CSMD1: variants seen among roughly 807,000 people sequenced by gnomAD.
CSMD1 encodes CUB and Sushi multiple domains 1, also known as CUB and sushi domain-containing protein 1.
A neutral mutation model predicts 417.5 loss-of-function variants in CSMD1; 213 were observed. The observed-to-expected ratio is 0.51, with a 90% CI of 0.46 to 0.57. The LOEUF (loss-of-function observed/expected upper bound fraction) is 0.57. Ranked by LOEUF, CSMD1 falls within the 20% of genes least tolerant of loss-of-function variation. CSMD1 has a pLI of 0.00. For missense variants in CSMD1, 6,923 were observed against 4,529.7 expected (o/e 1.53, Z -15.17); for synonymous variants, 2,862 against 1,736.8 (o/e 1.65, Z -16.11).
intron 5 of CSMD1, among the ~76,000 whole-genome samples, chr8:3,827,256 GCA>G (rs1444013497): frequency 1.3e-5 from 2 of 152,102 alleles, no homozygotes; most frequent in African/African-American, 4.8e-5. Flanking sequence ...CTAAAATAAA[GCA>G]CACATATCCT....
intron 5 of CSMD1, among the ~76,000 whole-genome samples, chr8:3,787,170 C>A (rs1459461363): frequency 1.3e-5 from 2 of 152,090 alleles, no homozygotes; most frequent in Non-Finnish European, 1.5e-5. Flanking sequence ...GTAGCTTTCA[C>A]TTTCTAGAAA....
chr8:4,406,107 C>T (rs768344178), intron 3 of CSMD1, among the ~76,000 whole-genome samples: 52 of 152,150 alleles, frequency 3.4e-4, no homozygotes, highest in Admixed American at 3.3e-4. Context: ...ATTCATTTCA[C>T]AGCGGAACCA....
intron 1 of CSMD1, among the ~76,000 whole-genome samples, chr8:4,726,773 C>G (rs1358465282): frequency 6.6e-6 from 1 of 152,126 alleles, no homozygotes; most frequent in Non-Finnish European, 1.5e-5. Context: ...TTCCTATGTT[C>G]TGGCTTGTAT....
chr8:4,368,052 G>A (rs781341704), intron 3 of CSMD1, among the ~76,000 whole-genome samples: 1 of 152,132 alleles, frequency 6.6e-6, no homozygotes, highest in Non-Finnish European at 1.5e-5. Flanking sequence ...GTACTATGTT[G>A]AATAGTGGTC....
At chr8:3,610,156 C>T (rs1016298557) in intron 8 of CSMD1, among the ~76,000 whole-genome samples, 5 of 152,090 alleles carry the variant, frequency 3.3e-5, no homozygotes, top group African/African-American at 1.2e-4. Context: ...TGTCATAAGG[C>T]ATCCTTACTT....
intron 10 of CSMD1, among the ~76,000 whole-genome samples, chr8:3,505,015 TA>T (rs34809370): frequency 0.12 from 18,271 of 149,962 alleles, 1,358 homozygotes; most frequent in African/African-American, 0.2. Context: ...GAGAAACAGT[TA>T]AAAAAAAAAA....
At chr8:4,465,156 G>C in intron 2 of CSMD1, among the ~76,000 whole-genome samples, 1 of 152,144 alleles carries the variant, frequency 6.6e-6, no homozygotes, top group South Asian at 2.1e-4. Flanking sequence ...CCCAAACTAT[G>C]TCACTTTATG....
In CSMD1 at chr8:4,160,935, C is replaced by A. The variant is rs1797122095; in HGVS notation, c.416-128836G>T. On this transcript the variant is annotated intron_variant, in intron 3 of 69. Transcript: ENST00000635120. The stretch of plus-strand genomic sequence containing the variant: ...GGTTTAATATTACTTGAGGCCACTG[C>A]ATACCTCATCAGATGTATTTATCAG... Among the ~76,000 whole-genome samples, 3 of 152,166 alleles carry A rather than the reference C, an allele frequency of 2.0e-5. No individual in the cohort carries two copies. In the South Asian group the frequency reaches 6.2e-4, roughly 32 times the overall value.
At chr8:4,753,860 C>A (rs1003658372) in intron 1 of CSMD1, among the ~76,000 whole-genome samples, 12 of 152,180 alleles carry the variant, frequency 7.9e-5, no homozygotes, top group African/African-American at 2.9e-4. Flanking sequence ...GAACTAGATT[C>A]CTTTACTTCT....
chr8:4,966,098 T>G (rs1809838950), intron 1 of CSMD1, among the ~76,000 whole-genome samples: 1 of 151,242 alleles, frequency 6.6e-6, no homozygotes, highest in Non-Finnish European at 1.5e-5. Context: ...GTGTGATGGC[T>G]CACTTCTGTA....
intron 12 of CSMD1, among the ~76,000 whole-genome samples, chr8:3,454,524 T>C (rs1815975745): frequency 6.6e-6 from 1 of 152,214 alleles, no homozygotes; most frequent in African/African-American, 2.4e-5. Context: ...ACAGAATCTC[T>C]CAGCATTTGC....
intron 21 of CSMD1, among the ~76,000 whole-genome samples, chr8:3,351,218 C>A (rs1282269135): frequency 6.6e-6 from 1 of 152,094 alleles, no homozygotes; most frequent in Non-Finnish European, 1.5e-5. Flanking sequence ...CTTAAATGTA[C>A]AAAGGTAGGA....
chr8:4,058,894 G>T (rs147487691), intron 3 of CSMD1, among the ~76,000 whole-genome samples: 5,805 of 151,958 alleles, frequency 0.038, 354 homozygotes, highest in African/African-American at 0.12. Context: ...GAGAGAGAAA[G>T]TTAACAAGGA....
chr8:4,535,735 C>G (rs929000890), intron 2 of CSMD1, among the ~76,000 whole-genome samples: 11 of 152,128 alleles, frequency 7.2e-5, no homozygotes, highest in African/African-American at 2.7e-4. Flanking sequence ...TCTAAATGAT[C>G]GCAGTAGTAC....
At chr8:3,998,489 G>C (rs149567452) in intron 4 of CSMD1, among the ~76,000 whole-genome samples, 4 of 152,152 alleles carry the variant, frequency 2.6e-5, no homozygotes, top group East Asian at 1.9e-4. Context: ...ACATGTGGGC[G>C]TTTATTCATG....
chr8:3,993,730 C>T (rs1302045580), intron 5 of CSMD1, among the ~76,000 whole-genome samples: 3 of 152,238 alleles, frequency 2.0e-5, no homozygotes, highest in South Asian at 2.1e-4. Context: ...AGCCCTAATC[C>T]AAAGCGGAAG....
At chr8:3,991,986 A>G (rs1376386250) in intron 5 of CSMD1, among the ~76,000 whole-genome samples, 1 of 152,130 alleles carries the variant, frequency 6.6e-6, no homozygotes, top group Non-Finnish European at 1.5e-5. Context: ...CAAAAAAAAT[A>G]CACTATTGAA....
At chr8:4,249,099 C>G (rs146665027) in intron 3 of CSMD1, among the ~76,000 whole-genome samples, 1 of 152,286 alleles carries the variant, frequency 6.6e-6, no homozygotes, top group African/African-American at 2.4e-5. Flanking sequence ...CCACTACAGA[C>G]TTCTCAACCT....
intron 3 of CSMD1, among the ~76,000 whole-genome samples, chr8:4,234,137 A>C (rs1382729010): frequency 5.9e-5 from 9 of 152,190 alleles, no homozygotes; most frequent in East Asian, 1.9e-4. Context: ...ATGGAAGATT[A>C]TTCTTCATAG....
Sources: allele counts gnomAD v4.1 joint callset (sites outside exome capture counted in the v4.1 genomes callset), GRCh38; gene constraint gnomAD v4.1.1; transcripts MANE v1.5; gene names NCBI Gene and HGNC (gene_info 2026-07-23, HGNC 2026-07-21).